VWDE: variants seen among roughly 807,000 people sequenced by gnomAD.
The protein encoded by VWDE is von Willebrand factor D and EGF domain-containing protein.
VWDE carries 207 observed loss-of-function variants against 178.4 expected under a neutral mutation model. That is an observed-to-expected ratio of 1.16 (90% CI 1.04 to 1.30). The LOEUF (loss-of-function observed/expected upper bound fraction) is 1.30. Ranked by LOEUF, VWDE falls within the 50% of genes most tolerant of loss-of-function variation. The pLI is 0.00. For synonymous variants in VWDE, 738 were observed against 651.4 expected, an observed-to-expected ratio of 1.13 and a Z score of -2.02; for missense variants, 2,287 against 1,901.3, an observed-to-expected ratio of 1.20 and a Z score of -3.77.
chr7:12,399,717 T>A (rs1323990237), intron 1 of VWDE, among the ~76,000 whole-genome samples: 1 of 152,120 alleles, frequency 6.6e-6, no homozygotes. Flanking sequence ...CATGGTGGTA[T>A]GTTCCTATAA....
intron 1 of VWDE, among the ~76,000 whole-genome samples, chr7:12,399,346 T>C (rs921196626): frequency 2.3e-4 from 35 of 152,172 alleles, no homozygotes. Context: ...GGACACTTTA[T>C]AATGATAAAA....
chr7:12,381,648 T>C (rs1282306410), intron 4 of VWDE, among the ~76,000 whole-genome samples: 1 of 152,036 alleles, frequency 6.6e-6, no homozygotes, highest in Non-Finnish European at 1.5e-5. Flanking sequence ...ATTTACCTAG[T>C]TAACAAATAT....
chr7:12,359,770 G>T, intron 15 of VWDE, 78 bp from the exon 16 acceptor site: 1 of 828,886 alleles, frequency 1.2e-6, no homozygotes, highest in Non-Finnish European at 1.9e-6. Flanking sequence ...GGATGGCAGT[G>T]TATGTATTGA....
intron 7 of VWDE, 147 bp from the exon 8 acceptor site, chr7:12,375,374 C>T (rs1783469544): frequency 4.3e-6 from 3 of 702,074 alleles, no homozygotes; most frequent in Non-Finnish European, 6.9e-6. Context: ...CAAATTTTGT[C>T]TAAATTAAGC....
chr7:12,385,505 T>C (rs531662358), intron 3 of VWDE, among the ~76,000 whole-genome samples: 2 of 152,300 alleles, frequency 1.3e-5, no homozygotes, highest in South Asian at 4.1e-4. Flanking sequence ...CCTGTCTAAA[T>C]GCAGATAAAG....
intron 13 of VWDE, among the ~76,000 whole-genome samples, chr7:12,365,488 C>T (rs77887059): frequency 9.2e-4 from 140 of 152,070 alleles, no homozygotes; most frequent in African/African-American, 3.3e-3. Flanking sequence ...TTCCAAAATG[C>T]TAGATTTTAA....
intron 27 of VWDE, among the ~76,000 whole-genome samples, chr7:12,335,519 G>A (rs1429014281): frequency 6.6e-6 from 1 of 151,828 alleles, no homozygotes; most frequent in Non-Finnish European, 1.5e-5. Flanking sequence ...GCAGTGGCGC[G>A]ATCTCTGCTC....
intron 24 of VWDE, 28 bp downstream of exon 24, chr7:12,340,294 T>C: frequency 1.3e-6 from 2 of 1,513,796 alleles, no homozygotes; most frequent in Non-Finnish European, 1.8e-6. Flanking sequence ...CCATTTGCCC[T>C]TTTTACATAC....
chr7:12,385,582 C>A (rs1784057859), intron 3 of VWDE, among the ~76,000 whole-genome samples: 1 of 152,182 alleles, frequency 6.6e-6, no homozygotes, highest in African/African-American at 2.4e-5. Flanking sequence ...GAGACCTCAG[C>A]CTGACATTGT....
intron 1 of VWDE, 48 bp from the exon 2 acceptor site, chr7:12,393,826 A>C: frequency 6.9e-7 from 1 of 1,446,170 alleles, no homozygotes; most frequent in Non-Finnish European, 9.2e-7. Context: ...TTGTTTGTTG[A>C]CATAGTTCGG....
In VWDE at chr7:12,337,159, C is replaced by T. The variant is rs1172892884; in HGVS notation, c.4462+18G>A. 2 of 1,551,252 alleles carry T rather than the reference C, an allele frequency of 1.3e-6. No individual in the cohort carries two copies. The highest frequency in any genetic ancestry group is 1.7e-6 in the Non-Finnish European group (2 of 1,146,640). ...TGGCTTTAGCTGTAGTTGACAAATA[C>T]ATTTAGTGATGTCTTACTTTTTTGG... On this transcript the variant is annotated intron_variant, in intron 25 of 28. Coordinates refer to ENST00000275358, the MANE Select transcript of VWDE (RefSeq NM_001135924.3).
chr7:12,377,996 T>TTC, intron 6 of VWDE, 76 bp from the exon 7 acceptor site: 1 of 1,084,016 alleles, frequency 9.2e-7, no homozygotes. Flanking sequence ...AAAGGGCATT[T>TTC]TCTCAACAGC....
chr7:12,392,531 C>G (rs1784431979), intron 2 of VWDE, among the ~76,000 whole-genome samples: 1 of 152,118 alleles, frequency 6.6e-6, no homozygotes, highest in Non-Finnish European at 1.5e-5. Context: ...ATTAGGGGAA[C>G]TTGCATTTGA....
At position 12,361,351 on chromosome 7, in the gene VWDE, C is replaced by T. The variant is rs552474750; in HGVS notation, c.3054+15G>A. On this transcript the variant is annotated intron_variant, in intron 14 of 28. Transcript: ENST00000275358. ...ACTTTGTTTATAAATATGAAGATGT[C>T]TTTTTATTTTTTACCTTCAACTGCC... 11 of 1,544,900 alleles carry T rather than the reference C, an allele frequency of 7.1e-6. No homozygotes were observed. The highest frequency in any genetic ancestry group is 7.9e-6 in the Non-Finnish European group (9 of 1,144,560).
intron 27 of VWDE, among the ~76,000 whole-genome samples, chr7:12,333,983 C>T (rs112026019): frequency 6.6e-6 from 1 of 151,968 alleles, no homozygotes; most frequent in Non-Finnish European, 1.5e-5. Flanking sequence ...GAAAATTTGA[C>T]AATTTTTATA....
chr7:12,394,067 G>A (rs1194744090), intron 1 of VWDE, among the ~76,000 whole-genome samples: 1 of 152,096 alleles, frequency 6.6e-6, no homozygotes, highest in Admixed American at 6.5e-5. Context: ...CAATAGAGCT[G>A]GCTGCTCTTG....
At chr7:12,346,629 G>C (rs1317469167) in intron 19 of VWDE, among the ~76,000 whole-genome samples, 1 of 151,232 alleles carries the variant, frequency 6.6e-6, no homozygotes, top group Non-Finnish European at 1.5e-5. Context: ...GGGCGGGGGG[G>C]ATCATTATTT....
rs140816610 is a variant in VWDE at position 12,362,275 on chromosome 7, G to C, written c.2899-754C>G. 8.2e-3 allele frequency among the ~76,000 whole-genome samples: 1,240 copies of C among 151,726 alleles called. 22 individuals carry two copies. The highest frequency in any genetic ancestry group is 0.027 in the African/African-American group (1,137 of 41,420). ...AATGCACACATACTGAGTCTTCATGGTGTTCAAGTCCCAAGTTCAAGATTT... is the reference window on the plus strand; with the variant it reads ...AATGCACACATACTGAGTCTTCATGCTGTTCAAGTCCCAAGTTCAAGATTT... On this transcript the variant is annotated intron_variant, in intron 13 of 28. Coordinates refer to ENST00000275358, the MANE Select transcript of VWDE (RefSeq NM_001135924.3).
chr7:12,353,288 C>A (rs1000786847), intron 18 of VWDE, among the ~76,000 whole-genome samples: 1 of 152,182 alleles, frequency 6.6e-6, no homozygotes, highest in Admixed American at 6.5e-5. Flanking sequence ...CACAAGCTCT[C>A]TGGTGTCTCT....
Sources: gnomAD v4.1 joint callset for allele counts (sites outside exome capture counted in the v4.1 genomes callset) on GRCh38, gnomAD v4.1.1 for gene constraint, MANE v1.5 for transcripts, NCBI Gene and HGNC (gene_info 2026-07-23, HGNC 2026-07-21) for gene names.